The following TRHDE variants were observed in gnomAD, a reference collection of about 807,000 sequenced individuals.
TRHDE encodes the protein thyrotropin-releasing hormone-degrading ectoenzyme.
Under a neutral mutation model 125.7 loss-of-function variants are expected in TRHDE, and 72 were observed. That is an observed-to-expected ratio of 0.57 (90% CI 0.47 to 0.70). The LOEUF (loss-of-function observed/expected upper bound fraction) is 0.70, where lower values mean the gene tolerates loss of function less well. Ranked by LOEUF, TRHDE falls within the 30% of genes least tolerant of loss-of-function variation. TRHDE has a pLI of 0.00. For missense variants in TRHDE, 1,110 were observed against 1,327.1 expected, an observed-to-expected ratio of 0.84 and a Z score of 2.54; for synonymous variants, 509 against 509.1, an observed-to-expected ratio of 1.00 and a Z score of 0.00.
At chr12:72,211,423 A>G (rs1158390379) in intron 2 of TRHDE, among the ~76,000 whole-genome samples, 1 of 152,224 alleles carries the variant, frequency 6.6e-6, no homozygotes, top group African/African-American at 2.4e-5. Context: ...AAACCAAAAA[A>G]TATTTCTAAT....
At chr12:72,239,315 A>G (rs1433331140) in intron 2 of TRHDE, among the ~76,000 whole-genome samples, 3 of 151,474 alleles carry the variant, frequency 2.0e-5, no homozygotes, top group Non-Finnish European at 4.4e-5. Context: ...GATTGCAAAC[A>G]TTTTCTCCCA....
chr12:72,499,092 T>C (rs1878038839), intron 5 of TRHDE, among the ~76,000 whole-genome samples: 1 of 151,954 alleles, frequency 6.6e-6, no homozygotes, highest in Admixed American at 6.6e-5. Flanking sequence ...TAACAGAAGG[T>C]TAGTACTTCT....
chr12:72,266,418 C>T (rs1316481405), intron 2 of TRHDE, among the ~76,000 whole-genome samples: 1 of 151,792 alleles, frequency 6.6e-6, no homozygotes, highest in Non-Finnish European at 1.5e-5. Context: ...TGAAAATAAG[C>T]TATAGTCAAC....
chr12:72,621,239 C>G, intron 14 of TRHDE, 34 bp downstream of exon 14: 1 of 1,382,394 alleles, frequency 7.2e-7, no homozygotes, highest in Non-Finnish European at 1.0e-6. Context: ...CTTCTTTACC[C>G]CTAGAGCTGT....
At chr12:72,612,150 C>T (rs1243653953) in intron 12 of TRHDE, among the ~76,000 whole-genome samples, 1 of 152,128 alleles carries the variant, frequency 6.6e-6, no homozygotes, top group African/African-American at 2.4e-5. Context: ...GCTGTTTCCT[C>T]AGTCAGTATT....
At chr12:72,583,703 T>C (rs565365509) in intron 12 of TRHDE, among the ~76,000 whole-genome samples, 1 of 152,308 alleles carries the variant, frequency 6.6e-6, no homozygotes, top group South Asian at 2.1e-4. Flanking sequence ...TTCTGGATTT[T>C]CAAGCTACAC....
At chr12:72,164,553 A>G (rs1393816574) in intron 2 of TRHDE, among the ~76,000 whole-genome samples, 1 of 152,156 alleles carries the variant, frequency 6.6e-6, no homozygotes, top group Non-Finnish European at 1.5e-5. Flanking sequence ...GGCAGGCTGG[A>G]CAAGATGTCC....
intron 2 of TRHDE, among the ~76,000 whole-genome samples, chr12:72,298,303 T>C (rs1880379736): frequency 6.6e-6 from 1 of 152,212 alleles, no homozygotes; most frequent in Admixed American, 6.5e-5. Flanking sequence ...GAGATGATTC[T>C]GGCTGTGATC....
At chr12:72,507,816 G>A (rs1024152079) in intron 6 of TRHDE, among the ~76,000 whole-genome samples, 2 of 152,254 alleles carry the variant, frequency 1.3e-5, no homozygotes, top group African/African-American at 4.8e-5. Flanking sequence ...TCATAGGCCT[G>A]GAGACCTAGG....
upstream of TRHDE, among the ~76,000 whole-genome samples, chr12:72,269,540 T>A (rs926741529): frequency 3.3e-5 from 5 of 151,848 alleles, no homozygotes; most frequent in South Asian, 4.2e-4. Flanking sequence ...AACACATTAG[T>A]GAAATACAAA....
chr12:72,511,102 A>C (rs1382124091), intron 6 of TRHDE, among the ~76,000 whole-genome samples: 1 of 152,176 alleles, frequency 6.6e-6, no homozygotes, highest in Non-Finnish European at 1.5e-5. Flanking sequence ...TTTAATATGA[A>C]GTACTTAGGC....
intron 2 of TRHDE, among the ~76,000 whole-genome samples, chr12:72,123,612 T>G (rs1875642903): frequency 6.6e-6 from 1 of 152,134 alleles, no homozygotes; most frequent in South Asian, 2.1e-4. Context: ...TTATAATGTT[T>G]AAATTCATTA....
At chr12:72,610,371 G>T (rs568327438) in intron 12 of TRHDE, among the ~76,000 whole-genome samples, 2 of 152,070 alleles carry the variant, frequency 1.3e-5, no homozygotes, top group Non-Finnish European at 2.9e-5. Flanking sequence ...AGCATAGTCC[G>T]TGTAGTGAGA....
At chr12:72,451,955 A>G (rs1028960633) in intron 3 of TRHDE, among the ~76,000 whole-genome samples, 1 of 152,064 alleles carries the variant, frequency 6.6e-6, no homozygotes, top group Non-Finnish European at 1.5e-5. Context: ...CAGCCTCCCA[A>G]GTAGCTGGGA....
At chr12:72,355,289 G>T (rs1791139576) in intron 2 of TRHDE, among the ~76,000 whole-genome samples, 1 of 151,540 alleles carries the variant, frequency 6.6e-6, no homozygotes. Flanking sequence ...GGGGTTTATG[G>T]AGAGTTGTAG....
rs1874547297 is a variant in TRHDE at position 72,652,503 on chromosome 12, T to TA, written c.2843+14_2843+15insA. The TA allele has an allele frequency of 6.4e-7, 1 of 1,569,888 alleles. No individual in the cohort carries two copies. Among genetic ancestry groups the TA allele is most frequent in the East Asian group, 2.3e-5 (1 of 42,716 alleles). On this transcript the variant is annotated intron_variant, in intron 16 of 18. Coordinates refer to ENST00000261180, the MANE Select transcript of TRHDE (RefSeq NM_013381.3). ...TTTATTAAACAGGTAGGCCGACTGA[T>TA]TTTCTAAATGTGTTTCTCTAATGAA...
At chr12:72,530,889 T>C (rs1868519230) in intron 6 of TRHDE, among the ~76,000 whole-genome samples, 1 of 152,136 alleles carries the variant, frequency 6.6e-6, no homozygotes, top group South Asian at 2.1e-4. Flanking sequence ...ACTGCCTCTT[T>C]TGTCTAGAAT....
chr12:72,146,608 G>C (rs752496939), intron 2 of TRHDE, among the ~76,000 whole-genome samples: 3 of 152,322 alleles, frequency 2.0e-5, no homozygotes, highest in Non-Finnish European at 4.4e-5. Flanking sequence ...CTTGAGGAAG[G>C]GGGAGCACGC....
chr12:72,501,028 C>T lies in TRHDE; in HGVS notation c.1722+1393C>T, dbSNP rs996476690. ...TTGACTGACCCATGAATACAGTATG[C>T]CTCCAGTTCCTTTAGGTCCCCTTTA... On this transcript the variant is annotated intron_variant, in intron 6 of 18. Transcript: ENST00000261180. Among the ~76,000 whole-genome samples, 91 of 151,780 alleles carry T rather than the reference C, an allele frequency of 6.0e-4. 2 individuals are homozygous for T. The highest frequency in any genetic ancestry group is 3.3e-4 in the Admixed American group (5 of 15,216).
Sources: allele counts gnomAD v4.1 joint callset (sites outside exome capture counted in the v4.1 genomes callset), GRCh38; gene constraint gnomAD v4.1.1; transcripts MANE v1.5; gene names NCBI Gene and HGNC (gene_info 2026-07-23, HGNC 2026-07-21).